Variants in PELI2 observed in about 807,000 individuals in gnomAD.
PELI2 encodes E3 ubiquitin-protein ligase pellino homolog 2.
In PELI2, 23 loss-of-function variants were observed where a neutral mutation model predicts 42.3. The ratio of observed to expected loss-of-function variants is 0.54; its 90% CI spans 0.39 to 0.77. The LOEUF is 0.77. Among genes scored for constraint, PELI2 ranks in the 30% least tolerant of loss-of-function variants. The pLI, the probability that PELI2 is intolerant of heterozygous loss-of-function variation, is 0.00. For synonymous variants in PELI2, 245 were observed against 212.2 expected (o/e 1.15, Z -1.34); for missense variants, 463 against 553.2 (o/e 0.84, Z 1.64).
intron 1 of PELI2, among the ~76,000 whole-genome samples, chr14:56,174,650 G>A (rs1314316594): frequency 6.6e-6 from 1 of 152,158 alleles, no homozygotes; most frequent in African/African-American, 2.4e-5. Flanking sequence ...CCCTTCTCGA[G>A]CTTTCTCTCT....
At chr14:56,258,373 C>T (rs1172446061) in intron 2 of PELI2, among the ~76,000 whole-genome samples, 1 of 151,858 alleles carries the variant, frequency 6.6e-6, no homozygotes. Context: ...AAAATAAGAC[C>T]TATACCCAGG....
At chr14:56,204,768 A>G (rs1886453147) in intron 2 of PELI2, among the ~76,000 whole-genome samples, 2 of 152,032 alleles carry the variant, frequency 1.3e-5, no homozygotes, top group Non-Finnish European at 2.9e-5. Flanking sequence ...AGAATCTGAA[A>G]GTGCTTTATT....
chr14:56,198,691 A>G (rs1296540189), intron 2 of PELI2, among the ~76,000 whole-genome samples: 2 of 152,150 alleles, frequency 1.3e-5, no homozygotes, highest in East Asian at 1.9e-4. Context: ...GAGTAGCAAA[A>G]CTAGGGAGGG....
At chr14:56,166,689 C>T (rs778844172) in intron 1 of PELI2, among the ~76,000 whole-genome samples, 4 of 152,098 alleles carry the variant, frequency 2.6e-5, no homozygotes, top group African/African-American at 4.8e-5. Context: ...TGTCATGCTA[C>T]TCTTCTCTGG....
At chr14:56,186,302 A>G (rs761138708) in intron 2 of PELI2, among the ~76,000 whole-genome samples, 1 of 152,188 alleles carries the variant, frequency 6.6e-6, no homozygotes, top group Non-Finnish European at 1.5e-5. Context: ...ATGGAACTCA[A>G]TCCTGCCAGG....
Position 56,135,500 on chromosome 14 carries a change from T to C in PELI2, c.77+16763T>C, listed in dbSNP as rs80297953. On this transcript the variant is annotated intron_variant, in intron 1 of 5. Transcript: ENST00000267460. ...CCTCAAGGATGGTAGCTCAGAGATTTTGAGGGCATGTTGGTGGTTGATGAA... is the reference window on the plus strand; with the variant it reads ...CCTCAAGGATGGTAGCTCAGAGATTCTGAGGGCATGTTGGTGGTTGATGAA... 2.5e-4 allele frequency among the ~76,000 whole-genome samples: 38 copies of C among 152,324 alleles called. No homozygotes were observed. The East Asian group carries it at 7.3e-3, about 29-fold the overall frequency.
At chr14:56,172,804 A>G (rs75407053) in intron 1 of PELI2, among the ~76,000 whole-genome samples, 8 of 152,188 alleles carry the variant, frequency 5.3e-5, no homozygotes, top group Admixed American at 1.3e-4. Context: ...GAGATCACCA[A>G]TGACTCATTC....
intron 2 of PELI2, among the ~76,000 whole-genome samples, chr14:56,227,629 C>G (rs1466566365): frequency 6.7e-6 from 1 of 149,286 alleles, no homozygotes; most frequent in Admixed American, 6.8e-5. Flanking sequence ...TAGTCTCTAG[C>G]TCTGTTTGCT....
intron 2 of PELI2, among the ~76,000 whole-genome samples, chr14:56,262,904 T>C (rs1888762806): frequency 2.0e-5 from 3 of 152,202 alleles, no homozygotes; most frequent in Admixed American, 2.0e-4. Context: ...TTGTGTATAA[T>C]AACTTTTACC....
At chr14:56,258,109 G>A (rs566703108) in intron 2 of PELI2, among the ~76,000 whole-genome samples, 2 of 152,272 alleles carry the variant, frequency 1.3e-5, no homozygotes, top group African/African-American at 4.8e-5. Flanking sequence ...AAATACCAGG[G>A]AAATCGGATA....
intron 1 of PELI2, among the ~76,000 whole-genome samples, chr14:56,171,663 A>G (rs1392140165): frequency 6.6e-6 from 1 of 152,176 alleles, no homozygotes; most frequent in African/African-American, 2.4e-5. Flanking sequence ...GGGTGTGAAT[A>G]GGCAGGGGAA....
chr14:56,153,028 A>T lies in PELI2; in HGVS notation c.78-25307A>T, dbSNP rs574267817. Reference sequence around the variant, plus strand: ...TAGCTGCTTAGAGCACTATTCCAGAAATGATTCTGTGTGCCATGATAGTAG... The same window carrying T: ...TAGCTGCTTAGAGCACTATTCCAGATATGATTCTGTGTGCCATGATAGTAG... On this transcript the variant is annotated intron_variant, in intron 1 of 5. Coordinates refer to ENST00000267460, the MANE Select transcript of PELI2 (RefSeq NM_021255.3). Among the ~76,000 whole-genome samples, 26 of 152,260 alleles carry T rather than the reference A, an allele frequency of 1.7e-4. No individual in the cohort carries two copies. In the East Asian group the frequency reaches 5.0e-3, roughly 29 times the overall value.
rs369977787 is a variant in PELI2, at chr14:56,241,421, A to G, written c.208-38255A>G. Among the ~76,000 whole-genome samples, 21 of 152,288 alleles carry G rather than the reference A, an allele frequency of 1.4e-4. 1 individual carries two copies. Among genetic ancestry groups the G allele is most frequent in the Admixed American group, 8.5e-4 (13 of 15,302 alleles). ...AGTGGGCAGAAAGTTATAGAGAAGT[A>G]ATTCATGAAATTGATGTACCTCCAG... is the stretch of plus-strand genomic sequence containing the variant. On this transcript the variant is annotated intron_variant, in intron 2 of 5. Coordinates refer to ENST00000267460, the MANE Select transcript of PELI2 (RefSeq NM_021255.3).
intron 3 of PELI2, among the ~76,000 whole-genome samples, chr14:56,280,084 G>A (rs904453609): frequency 1.3e-5 from 2 of 152,076 alleles, no homozygotes; most frequent in Non-Finnish European, 2.9e-5. Context: ...TTTCTAAGTA[G>A]CATTTGAATG....
At chr14:56,148,282 T>G (rs1398809183) in intron 1 of PELI2, among the ~76,000 whole-genome samples, 1 of 152,236 alleles carries the variant, frequency 6.6e-6, no homozygotes, top group Non-Finnish European at 1.5e-5. Context: ...CAGTCCATCC[T>G]TCACAGTGCT....
intron 2 of PELI2, among the ~76,000 whole-genome samples, chr14:56,245,174 T>C (rs1164354814): frequency 6.6e-6 from 1 of 152,240 alleles, no homozygotes; most frequent in Non-Finnish European, 1.5e-5. Flanking sequence ...CCATAATATC[T>C]GGGTTCATCC....
At chr14:56,176,357 C>T (rs1466680041) in intron 1 of PELI2, among the ~76,000 whole-genome samples, 2 of 152,138 alleles carry the variant, frequency 1.3e-5, no homozygotes, top group Non-Finnish European at 2.9e-5. Flanking sequence ...ATTCAAGAGG[C>T]TGAAGAAGAG....
chr14:56,129,904 T>A (rs933353582), intron 1 of PELI2, among the ~76,000 whole-genome samples: 2 of 152,170 alleles, frequency 1.3e-5, no homozygotes, highest in Non-Finnish European at 2.9e-5. Flanking sequence ...CAGGTGGTGG[T>A]CTTGGATCAC....
intron 2 of PELI2, among the ~76,000 whole-genome samples, chr14:56,234,328 A>G (rs1594667999): frequency 6.6e-6 from 1 of 152,228 alleles, no homozygotes; most frequent in Admixed American, 6.5e-5. Flanking sequence ...ACTATTCACA[A>G]TAGCAAAGAC....
Sources: gnomAD v4.1 joint callset for allele counts (sites outside exome capture counted in the v4.1 genomes callset) on GRCh38, gnomAD v4.1.1 for gene constraint, MANE v1.5 for transcripts, NCBI Gene and HGNC (gene_info 2026-07-23, HGNC 2026-07-21) for gene names.